SMARCC1: variants seen among roughly 807,000 people sequenced by gnomAD.
SMARCC1 encodes the protein SWI/SNF complex subunit SMARCC1.
In SMARCC1, 43 loss-of-function variants were observed where a neutral mutation model predicts 147.4. That is an observed-to-expected ratio of 0.29 (90% confidence interval 0.23 to 0.38). The LOEUF is 0.38. Ranked by LOEUF, SMARCC1 falls within the 10% of genes least tolerant of loss-of-function variation. SMARCC1 has a pLI of 1.00. For synonymous variants in SMARCC1, 495 were observed against 484.4 expected, an observed-to-expected ratio of 1.02 and a Z score of -0.29; for missense variants, 1,119 against 1,381.1, an observed-to-expected ratio of 0.81 and a Z score of 3.01.
intron 2 of SMARCC1, among the ~76,000 whole-genome samples, chr3:47,755,172 C>T (rs1220538302): frequency 6.6e-6 from 1 of 152,118 alleles, no homozygotes; most frequent in African/African-American, 2.4e-5. Context: ...GATCGCACCA[C>T]TGCACTTCAG....
chr3:47,635,115 G>T (rs1056502157), intron 24 of SMARCC1, 75 bp downstream of exon 24: 5 of 1,306,976 alleles, frequency 3.8e-6, no homozygotes, highest in Non-Finnish European at 5.4e-6. Context: ...TATACTAAAT[G>T]TTCCCAATTA....
chr3:47,695,919 C>T (rs28483599), intron 11 of SMARCC1, among the ~76,000 whole-genome samples: 119,724 of 119,912 alleles, frequency 1, 59,768 homozygotes, highest in Admixed American at 1. Context: ...CAAAAAAAAT[C>T]AGCCGGGCGT....
intron 1 of SMARCC1, among the ~76,000 whole-genome samples, chr3:47,777,663 G>A (rs1356721746): frequency 6.6e-6 from 1 of 151,798 alleles, no homozygotes; most frequent in Non-Finnish European, 1.5e-5. Context: ...GAGTAGCTGG[G>A]ACTACAGTCA....
intron 3 of SMARCC1, among the ~76,000 whole-genome samples, chr3:47,739,234 G>A (rs1453620329): frequency 1.3e-5 from 2 of 152,164 alleles, no homozygotes; most frequent in Non-Finnish European, 2.9e-5. Flanking sequence ...AGCTTACTGT[G>A]GGCTTTTGTG....
intron 13 of SMARCC1, 137 bp downstream of exon 13, chr3:47,689,249 TA>T (rs914673549): frequency 6.0e-6 from 4 of 665,250 alleles, no homozygotes; most frequent in African/African-American, 1.8e-5. Flanking sequence ...GGGGAAAAAC[TA>T]AAAACAAAAA....
At chr3:47,687,368 A>C (rs1323103856) in intron 13 of SMARCC1, among the ~76,000 whole-genome samples, 1 of 152,226 alleles carries the variant, frequency 6.6e-6, no homozygotes, top group Admixed American at 6.5e-5. Flanking sequence ...AGGAGACAAA[A>C]AATTTCCCTT....
At chr3:47,665,875 C>CGCGT (rs1357181146) in intron 19 of SMARCC1, among the ~76,000 whole-genome samples, 1 of 150,138 alleles carries the variant, frequency 6.7e-6, no homozygotes, top group Non-Finnish European at 1.5e-5. Flanking sequence ...TTGTGAGACA[C>CGCGT]GGTCTTGCTA....
At position 47,781,828 on chromosome 3, in the gene SMARCC1, C is replaced by G; in HGVS notation, c.-31G>C. 2 of 1,308,750 alleles carry G rather than the reference C, an allele frequency of 1.5e-6. No homozygotes were observed. Among genetic ancestry groups the G allele is most frequent in the Non-Finnish European group, 1.9e-6 (2 of 1,026,718 alleles). The allele number at this position is 1,308,750 out of a possible 1,614,324, so 81.1% of individuals were successfully genotyped here. A position where few individuals can be genotyped will look rare whatever the true frequency, so the allele number is the denominator to read the frequency against. On this transcript the variant is annotated 5_prime_UTR_variant, in exon 1 of 28. Coordinates refer to ENST00000254480, the MANE Select transcript of SMARCC1 (RefSeq NM_003074.4). ...CAGCCCGTCGTCCCCACAGCCTGGC[C>G]CACCCCGGCCCTCGCGGTGTTTCCC...
At chr3:47,685,598 G>A (rs1307882233) in intron 14 of SMARCC1, among the ~76,000 whole-genome samples, 5 of 150,040 alleles carry the variant, frequency 3.3e-5, no homozygotes, top group East Asian at 2.0e-4. Context: ...GGTGGCTCAC[G>A]CCTGTAATCC....
chr3:47,734,419 T>C (rs1212247287), intron 5 of SMARCC1, among the ~76,000 whole-genome samples: 1 of 152,192 alleles, frequency 6.6e-6, no homozygotes, highest in Admixed American at 6.6e-5. Flanking sequence ...ATTAGAAACA[T>C]TAACTTTCAG....
At chr3:47,664,010 C>T in intron 19 of SMARCC1, 3 of 792,004 alleles carry the variant, frequency 3.8e-6, no homozygotes, top group Non-Finnish European at 6.0e-6. Context: ...TACCATGGGA[C>T]TTACTCCCTC....
chr3:47,608,849 TAAAAAAAA>T (rs35698988), intron 26 of SMARCC1, among the ~76,000 whole-genome samples: 6 of 86,864 alleles, frequency 6.9e-5, no homozygotes, highest in Non-Finnish European at 1.3e-4. Flanking sequence ...ACAGTGTCTT[TAAAAAAAA>T]AAAAAAAAAA....
At chr3:47,775,359 A>T (rs900629839) in intron 1 of SMARCC1, among the ~76,000 whole-genome samples, 1 of 149,546 alleles carries the variant, frequency 6.7e-6, no homozygotes, top group Non-Finnish European at 1.5e-5. Flanking sequence ...ACGGGGTTTC[A>T]CCATGTTAGT....
intron 10 of SMARCC1, among the ~76,000 whole-genome samples, chr3:47,702,745 C>T (rs2033939049): frequency 6.6e-6 from 1 of 152,148 alleles, no homozygotes; most frequent in South Asian, 2.1e-4. Context: ...ACTATAGGTG[C>T]ACACCATCAT....
chr3:47,770,554 CAG>C (rs2034900639), intron 2 of SMARCC1, among the ~76,000 whole-genome samples: 1 of 152,066 alleles, frequency 6.6e-6, no homozygotes, highest in Non-Finnish European at 1.5e-5. Flanking sequence ...ACCTGGGAAG[CAG>C]AGGTCGTGGT....
intron 11 of SMARCC1, among the ~76,000 whole-genome samples, chr3:47,699,493 C>T (rs2033892399): frequency 6.6e-6 from 1 of 152,016 alleles, no homozygotes; most frequent in African/African-American, 2.4e-5. Context: ...AGTCTAGCTT[C>T]TCCTAGTATT....
At chr3:47,599,734 C>T (rs2106651841) in intron 26 of SMARCC1, among the ~76,000 whole-genome samples, 1 of 152,322 alleles carries the variant, frequency 6.6e-6, no homozygotes, top group Admixed American at 6.5e-5. Context: ...ACTGATTGAT[C>T]CATTATTTGC....
At chr3:47,769,209 T>TC (rs66974147) in intron 2 of SMARCC1, among the ~76,000 whole-genome samples, 31,928 of 62,492 alleles carry the variant, frequency 0.51, 7,106 homozygotes, top group East Asian at 0.62. Flanking sequence ...AGACTCCGTC[T>TC]CAAAAAAAAA....
intron 24 of SMARCC1, among the ~76,000 whole-genome samples, chr3:47,628,608 C>T (rs2032844488): frequency 6.6e-6 from 1 of 152,138 alleles, no homozygotes; most frequent in African/African-American, 2.4e-5. Context: ...GAGTTTCACT[C>T]TGTCCCCAGG....
Sources: allele counts gnomAD v4.1 joint callset (sites outside exome capture counted in the v4.1 genomes callset), GRCh38; gene constraint gnomAD v4.1.1; transcripts MANE v1.5; gene names NCBI Gene and HGNC (gene_info 2026-07-23, HGNC 2026-07-21).